The following ESRRG variants were observed in gnomAD, a reference collection of about 807,000 sequenced individuals.
ESRRG encodes the protein estrogen-related receptor gamma.
In ESRRG, 13 loss-of-function variants were observed where a neutral mutation model predicts 44.0. The ratio of observed to expected loss-of-function variants is 0.30; its 90% CI spans 0.19 to 0.47. ESRRG has a LOEUF of 0.47. ESRRG is among the 20% of genes least tolerant of loss of function. ESRRG has a pLI of 1.00. For missense variants in ESRRG, 395 were observed against 580.6 expected (o/e 0.68, Z 3.29); for synonymous variants, 215 against 214.6 (o/e 1.00, Z -0.02).
chr1:216,510,746 G>T (rs532388546), intron 6 of ESRRG, among the ~76,000 whole-genome samples: 1 of 152,048 alleles, frequency 6.6e-6, no homozygotes, highest in Middle Eastern at 3.2e-3. Context: ...TTAGCCGGGC[G>T]TAGTGGTGGG....
chr1:216,938,407 T>A (rs961573507), intron 2 of ESRRG, among the ~76,000 whole-genome samples: 1 of 152,122 alleles, frequency 6.6e-6, no homozygotes, highest in Non-Finnish European at 1.5e-5. Context: ...TGTAACTGAA[T>A]GATTTGGGGC....
intron 1 of ESRRG, among the ~76,000 whole-genome samples, chr1:217,007,412 T>G (rs2077908408): frequency 6.6e-6 from 1 of 152,130 alleles, no homozygotes; most frequent in Admixed American, 6.6e-5. Flanking sequence ...AAAGAAACAC[T>G]AAGTCAATGA....
chr1:217,131,677 T>TA (rs1396231751), intron 1 of ESRRG, among the ~76,000 whole-genome samples: 4 of 152,228 alleles, frequency 2.6e-5, no homozygotes, highest in African/African-American at 7.2e-5. Flanking sequence ...GGTCAACTTC[T>TA]AAAAATGCTC....
chr1:216,979,601 G>A (rs2073587013), intron 1 of ESRRG, among the ~76,000 whole-genome samples: 3 of 152,002 alleles, frequency 2.0e-5, no homozygotes, highest in Admixed American at 2.0e-4. Context: ...CTAGCTGCTT[G>A]ACAAGTCACT....
chr1:216,775,313 C>T (rs994709207), intron 2 of ESRRG, among the ~76,000 whole-genome samples: 10 of 151,882 alleles, frequency 6.6e-5, no homozygotes, highest in Admixed American at 1.3e-4. Context: ...TCACTCATTT[C>T]GTCACTTTAA....
At chr1:217,070,452 G>T (rs759806335) in intron 1 of ESRRG, among the ~76,000 whole-genome samples, 1 of 151,892 alleles carries the variant, frequency 6.6e-6, no homozygotes, top group Non-Finnish European at 1.5e-5. Context: ...TGTGATCTTG[G>T]CTCACTGCAA....
At chr1:216,645,965 C>T (rs1041775302) in intron 3 of ESRRG, among the ~76,000 whole-genome samples, 1 of 151,530 alleles carries the variant, frequency 6.6e-6, no homozygotes, top group Non-Finnish European at 1.5e-5. Context: ...AAAATGTGTG[C>T]CACTTGTCCA....
chr1:216,651,202 A>C, intron 2 of ESRRG, 113 bp from the exon 3 acceptor site: 1 of 710,848 alleles, frequency 1.4e-6, no homozygotes, highest in South Asian at 1.6e-5. Context: ...AAAAAATGTC[A>C]CATGAGACTC....
chr1:216,946,615 G>A (rs1051901378), intron 1 of ESRRG, among the ~76,000 whole-genome samples: 6 of 152,098 alleles, frequency 3.9e-5, no homozygotes, highest in Admixed American at 3.3e-4. Flanking sequence ...TAATAATGTC[G>A]ATTAATTAGC....
At chr1:216,974,994 CAT>C (rs2072567406) in intron 1 of ESRRG, among the ~76,000 whole-genome samples, 1 of 152,018 alleles carries the variant, frequency 6.6e-6, no homozygotes, top group Admixed American at 6.6e-5. Flanking sequence ...ATTTAAGCAT[CAT>C]ATGATATCTG....
At chr1:216,880,810 ATTC>A (rs1396160258) in intron 2 of ESRRG, among the ~76,000 whole-genome samples, 1 of 152,156 alleles carries the variant, frequency 6.6e-6, no homozygotes, top group Non-Finnish European at 1.5e-5. Context: ...CTCAAAATAT[ATTC>A]TTATTTATAT....
intron 2 of ESRRG, among the ~76,000 whole-genome samples, chr1:216,925,672 T>A (rs2062453032): frequency 6.6e-6 from 1 of 150,676 alleles, no homozygotes; most frequent in African/African-American, 2.4e-5. Flanking sequence ...TCTGCTCGGC[T>A]GGGTGTGGTG....
At chr1:216,935,150 A>C (rs376441334) in intron 2 of ESRRG, among the ~76,000 whole-genome samples, 6 of 152,114 alleles carry the variant, frequency 3.9e-5, no homozygotes, top group African/African-American at 1.2e-4. Flanking sequence ...TTGCTTTCCC[A>C]CATGTCAGTT....
intron 1 of ESRRG, among the ~76,000 whole-genome samples, chr1:217,125,123 C>T (rs1331968912): frequency 6.6e-6 from 1 of 152,150 alleles, no homozygotes; most frequent in East Asian, 1.9e-4. Context: ...GATCCCAGTG[C>T]TTGCTAGGTT....
At chr1:217,099,319 T>C (rs1479540952) in intron 1 of ESRRG, among the ~76,000 whole-genome samples, 1 of 151,718 alleles carries the variant, frequency 6.6e-6, no homozygotes, top group African/African-American at 2.4e-5. Flanking sequence ...GTGGATATTA[T>C]TCCTACCTTA....
chr1:216,832,008 T>C (rs541917599), intron 2 of ESRRG, among the ~76,000 whole-genome samples: 1 of 152,244 alleles, frequency 6.6e-6, no homozygotes, highest in African/African-American at 2.4e-5. Flanking sequence ...TGCTTTATTT[T>C]GCTACACAGA....
intron 2 of ESRRG, among the ~76,000 whole-genome samples, chr1:216,882,977 C>T (rs1429000715): frequency 2.6e-5 from 4 of 151,690 alleles, no homozygotes; most frequent in African/African-American, 7.3e-5. Context: ...CTATATTGAC[C>T]GAAATCTACC....
At chr1:216,748,107 A>C (rs2091615763) in intron 2 of ESRRG, among the ~76,000 whole-genome samples, 1 of 152,184 alleles carries the variant, frequency 6.6e-6, no homozygotes, top group African/African-American at 2.4e-5. Context: ...AAGTTTAGAA[A>C]ATAAGAAGCT....
rs565769219 is a variant in ESRRG, at chr1:216,743,549, G to T, written c.-13-66058C>A. On this transcript the variant is annotated intron_variant, in intron 2 of 7. Coordinates refer to the ESRRG transcript ENST00000359162. ...TGTTTTGAAGGCAGTCTTAGACCCA[G>T]AAACATAAATTAGAAAACACATTGT... Among the ~76,000 whole-genome samples the T allele has an allele frequency of 7.9e-4, 121 of 152,276 alleles. 1 individual carries two copies. Among genetic ancestry groups the T allele is most frequent in the African/African-American group, 2.8e-3 (117 of 41,556 alleles).
Sources: gnomAD v4.1 joint callset for allele counts (sites outside exome capture counted in the v4.1 genomes callset) on GRCh38, gnomAD v4.1.1 for gene constraint, MANE v1.5 for transcripts, NCBI Gene and HGNC (gene_info 2026-07-23, HGNC 2026-07-21) for gene names.